The following PPP2R2D variants were observed in gnomAD, a reference collection of about 807,000 sequenced individuals.
PPP2R2D encodes protein phosphatase 2 regulatory subunit Bdelta, also known as serine/threonine-protein phosphatase 2A 55 kDa regulatory subunit B delta isoform.
In PPP2R2D, 9 loss-of-function variants were observed where a neutral mutation model predicts 31.1. The ratio of observed to expected loss-of-function variants is 0.29; its 90% confidence interval spans 0.17 to 0.51. The LOEUF (loss-of-function observed/expected upper bound fraction) is 0.51, where lower values mean the gene tolerates loss of function less well. Among genes scored for constraint, PPP2R2D ranks in the 20% least tolerant of loss-of-function variants. The pLI, the probability that PPP2R2D is intolerant of heterozygous loss-of-function variation, is 0.98. For missense variants in PPP2R2D, 391 were observed against 465.6 expected, an observed-to-expected ratio of 0.84 and a Z score of 1.48; for synonymous variants, 179 against 172.6, an observed-to-expected ratio of 1.04 and a Z score of -0.29.
In PPP2R2D at chr10:131,904,156, A is replaced by G. The variant is rs1002864840; in HGVS notation, c.100+2826A>G. ...GAGGTGGAGGTTGCAGTGAGGCGAGATGGTGCCATTGCACTCCAGCCTGGG... is the reference window on the plus strand; with the variant it reads ...GAGGTGGAGGTTGCAGTGAGGCGAGGTGGTGCCATTGCACTCCAGCCTGGG... On this transcript the variant is annotated intron_variant, in intron 2 of 8. Transcript: ENST00000455566. Among the ~76,000 whole-genome samples, 24 of 146,644 alleles carry G rather than the reference A, an allele frequency of 1.6e-4. No individual in the cohort carries two copies. In the East Asian group the frequency reaches 3.1e-3, roughly 19 times the overall value.
At chr10:131,960,553 G>A (rs1462768687), downstream of PPP2R2D, among the ~76,000 whole-genome samples, 1 of 152,178 alleles carries the variant, frequency 6.6e-6, no homozygotes, top group African/African-American at 2.4e-5. Context: ...TGTCTGTCCT[G>A]TGTGGAGCCA....
rs2036823100 is a variant in PPP2R2D at position 131,957,483 on chromosome 10, G to GGA, written c.*1521_*1522dup. On this transcript the variant is annotated 3_prime_UTR_variant, in exon 9 of 9. Coordinates refer to ENST00000455566, the MANE Select transcript of PPP2R2D (RefSeq NM_018461.5). Reference sequence around the variant, plus strand: ...GTGCTGATTCCTCATGCCCCTGTCTGGATGAAGGTGTGTGCTGATCCCCCG... The same window carrying GGA: ...GTGCTGATTCCTCATGCCCCTGTCTGGAGATGAAGGTGTGTGCTGATCCCCCG... 7 of 152,860 alleles carry GGA rather than the reference G, an allele frequency of 4.6e-5. No homozygotes were observed. Among genetic ancestry groups the GGA allele is most frequent in the South Asian group, 1.1e-4 (1 of 9,230 alleles). 9.5% of individuals were successfully genotyped at this position (152,860 alleles called of 1,614,324 possible). A position where few individuals can be genotyped will look rare whatever the true frequency, so the allele number is the denominator to read the frequency against.
intron 2 of PPP2R2D, among the ~76,000 whole-genome samples, chr10:131,932,661 A>ACAC (rs1480222434): frequency 1.3e-5 from 2 of 149,604 alleles, no homozygotes; most frequent in Admixed American, 1.3e-4. Flanking sequence ...AAAAAAAAAA[A>ACAC]AAAAAAACAC....
chr10:131,906,321 A>G (rs2035582994), intron 2 of PPP2R2D, among the ~76,000 whole-genome samples: 1 of 152,152 alleles, frequency 6.6e-6, no homozygotes, highest in African/African-American at 2.4e-5. Flanking sequence ...TTGTAGTTTT[A>G]AGTGTATTGG....
chr10:131,963,624 G>A (rs887408543), downstream of PPP2R2D, among the ~76,000 whole-genome samples: 6 of 152,234 alleles, frequency 3.9e-5, no homozygotes, highest in African/African-American at 7.2e-5. Flanking sequence ...CGTCGGACGC[G>A]GCTTCTGACG....
intron 2 of PPP2R2D, among the ~76,000 whole-genome samples, chr10:131,927,904 G>A (rs938529852): frequency 3.3e-5 from 5 of 152,152 alleles, no homozygotes; most frequent in African/African-American, 7.2e-5. Context: ...GAACATTCTC[G>A]TAAGTGGTTC....
chr10:131,967,634 T>A, the PPP2R2D span: 2 of 152,666 alleles, frequency 1.3e-5, no homozygotes, highest in African/African-American at 4.8e-5. Context: ...CCTGGTTTCA[T>A]TAAGAAGCTA....
At chr10:131,941,216 A>G (rs548817568) in intron 5 of PPP2R2D, among the ~76,000 whole-genome samples, 1 of 152,320 alleles carries the variant, frequency 6.6e-6, no homozygotes, top group East Asian at 1.9e-4. Flanking sequence ...TTGTTAAATT[A>G]TTTGCTCCAT....
chr10:131,947,078 A>G lies in PPP2R2D; in HGVS notation c.821-452A>G, dbSNP rs1205709390. On this transcript the variant is annotated intron_variant, in intron 7 of 8. Coordinates refer to ENST00000455566, the MANE Select transcript of PPP2R2D (RefSeq NM_018461.5). The surrounding 1 kb of genome is among the most constrained non-coding windows in gnomAD (Gnocchi z 4.3). ...CAGACCGCTGTGTCTGCATGACCATATAATGCTGTTTGTGTCTTCCTGTGA... is the reference window on the plus strand; with the variant it reads ...CAGACCGCTGTGTCTGCATGACCATGTAATGCTGTTTGTGTCTTCCTGTGA... 1.3e-5 allele frequency among the ~76,000 whole-genome samples: 2 copies of G among 152,148 alleles called. No individual in the cohort carries two copies. The highest frequency in any genetic ancestry group is 6.5e-5 in the Admixed American group (1 of 15,276).
At chr10:131,914,952 G>A (rs1428583948) in intron 2 of PPP2R2D, among the ~76,000 whole-genome samples, 2 of 152,156 alleles carry the variant, frequency 1.3e-5, no homozygotes, top group Non-Finnish European at 2.9e-5. Flanking sequence ...GCAACTCGAA[G>A]GAGGAAGGTT....
chr10:131,960,417 G>GC (rs1482143024), downstream of PPP2R2D, among the ~76,000 whole-genome samples: 1 of 152,180 alleles, frequency 6.6e-6, no homozygotes, highest in Non-Finnish European at 1.5e-5. Flanking sequence ...GATTTAACGT[G>GC]CCTTTTTTGA....
In PPP2R2D at chr10:131,913,984, A is replaced by G. The variant is rs1021526599; in HGVS notation, c.100+12654A>G. Reference sequence around the variant, plus strand: ...GCTGATCTTTTTCTGTATCGTGCACAACACCTACCACTGCACCGGCACACA... The same window carrying G: ...GCTGATCTTTTTCTGTATCGTGCACGACACCTACCACTGCACCGGCACACA... On this transcript the variant is annotated intron_variant, in intron 2 of 8. Transcript: ENST00000455566. Among the ~76,000 whole-genome samples, 190 of 152,350 alleles carry G rather than the reference A, an allele frequency of 1.2e-3. 1 individual carries two copies. The highest frequency in any genetic ancestry group is 4.1e-3 in the African/African-American group (170 of 41,574).
intron 2 of PPP2R2D, among the ~76,000 whole-genome samples, chr10:131,907,801 G>A (rs918367634): frequency 2.0e-5 from 3 of 151,636 alleles, no homozygotes; most frequent in Non-Finnish European, 4.4e-5. Flanking sequence ...ACATCTTAAC[G>A]CTCAGGAGGC....
chr10:131,962,690 C>T (rs965933758), downstream of PPP2R2D, among the ~76,000 whole-genome samples: 1 of 152,166 alleles, frequency 6.6e-6, no homozygotes, highest in Non-Finnish European at 1.5e-5. Context: ...ACCACCCAGT[C>T]AGAACTGGCA....
At chr10:131,960,074 G>A (rs1173616035), downstream of PPP2R2D, among the ~76,000 whole-genome samples, 1 of 152,206 alleles carries the variant, frequency 6.6e-6, no homozygotes, top group Non-Finnish European at 1.5e-5. Flanking sequence ...GAAGCCACCT[G>A]GCCAGCAGTC....
chr10:131,930,854 T>A (rs1194742851), intron 2 of PPP2R2D, among the ~76,000 whole-genome samples: 1 of 152,250 alleles, frequency 6.6e-6, no homozygotes, highest in African/African-American at 2.4e-5. Context: ...CCACCGAAAC[T>A]GATCCTCTGA....
At chr10:131,917,282 GTGTT>G (rs1291062112) in intron 2 of PPP2R2D, among the ~76,000 whole-genome samples, 19 of 129,102 alleles carry the variant, frequency 1.5e-4, no homozygotes, top group Admixed American at 3.1e-4. Flanking sequence ...GAATGACACA[GTGTT>G]TGTAGGGACC....
At position 131,947,435 on chromosome 10, in the gene PPP2R2D, G is replaced by A; in HGVS notation, c.821-95G>A. On this transcript the variant is annotated intron_variant, in intron 7 of 8. Coordinates refer to ENST00000455566, the MANE Select transcript of PPP2R2D (RefSeq NM_018461.5). The surrounding 1 kb of genome is among the most constrained non-coding windows in gnomAD (Gnocchi z 4.3). Reference sequence around the variant, plus strand: ...AGTGTTGAGGCCAAGCCCTTCCAGAGTCTCTCTGAAGGGGCCACTTCCTAC... The same window carrying A: ...AGTGTTGAGGCCAAGCCCTTCCAGAATCTCTCTGAAGGGGCCACTTCCTAC... The A allele has an allele frequency of 1.5e-6, 2 of 1,341,444 alleles. No individual in the cohort carries two copies. The highest frequency in any genetic ancestry group is 2.0e-6 in the Non-Finnish European group (2 of 988,592). The allele number at this position is 1,341,444 out of a possible 1,614,324, so 83.1% of individuals were successfully genotyped here.
At chr10:131,923,410 A>G (rs1314151443) in intron 2 of PPP2R2D, among the ~76,000 whole-genome samples, 3 of 152,132 alleles carry the variant, frequency 2.0e-5, no homozygotes, top group South Asian at 2.1e-4. Context: ...ACCTGTGGAC[A>G]TTCTTGTACA....
Sources: gnomAD v4.1 joint callset for allele counts (sites outside exome capture counted in the v4.1 genomes callset) on GRCh38, gnomAD v4.1.1 for gene constraint, Gnocchi (gnomAD v3.1) non-coding constraint, MANE v1.5 for transcripts, NCBI Gene and HGNC (gene_info 2026-07-23, HGNC 2026-07-21) for gene names.